SORCS1: variants seen among roughly 807,000 people sequenced by gnomAD.
SORCS1 encodes VPS10 domain-containing receptor SorCS1.
A neutral mutation model predicts 146.1 loss-of-function variants in SORCS1; 60 were observed. That is an observed-to-expected ratio of 0.41 (90% CI 0.33 to 0.51). The LOEUF is 0.51. Among genes scored for constraint, SORCS1 ranks in the 20% least tolerant of loss-of-function variants. The pLI is 0.21. For missense variants in SORCS1, 1,352 were observed against 1,487.6 expected, an observed-to-expected ratio of 0.91 and a Z score of 1.50; for synonymous variants, 637 against 584.0, an observed-to-expected ratio of 1.09 and a Z score of -1.31.
intron 6 of SORCS1, among the ~76,000 whole-genome samples, chr10:106,712,134 T>C (rs1855039490): frequency 6.6e-6 from 1 of 152,168 alleles, no homozygotes; most frequent in Non-Finnish European, 1.5e-5. Context: ...GAAGAAGACT[T>C]GAATCAGATG....
intron 1 of SORCS1, among the ~76,000 whole-genome samples, chr10:107,067,782 T>A (rs1962018844): frequency 6.6e-6 from 1 of 152,212 alleles, no homozygotes; most frequent in South Asian, 2.1e-4. Flanking sequence ...AGTTTCCTCA[T>A]CAGTGAAATG....
chr10:107,068,932 C>T (rs934516625), intron 1 of SORCS1, among the ~76,000 whole-genome samples: 6 of 150,978 alleles, frequency 4.0e-5, no homozygotes, highest in African/African-American at 1.2e-4. Context: ...AGGGAGGCAT[C>T]GCCCAAGTAC....
intron 4 of SORCS1, among the ~76,000 whole-genome samples, chr10:106,766,969 G>A (rs1684043159): frequency 6.6e-6 from 1 of 152,188 alleles, no homozygotes; most frequent in Non-Finnish European, 1.5e-5. Context: ...AACTCAGGGT[G>A]ATGTTCTCAC....
At chr10:106,615,228 C>G (rs967582849) in intron 21 of SORCS1, among the ~76,000 whole-genome samples, 4 of 152,178 alleles carry the variant, frequency 2.6e-5, no homozygotes, top group Non-Finnish European at 4.4e-5. Context: ...TCTCAAGGAC[C>G]TGGGAGCCAT....
intron 17 of SORCS1, 110 bp downstream of exon 17, chr10:106,667,579 T>A (rs1851258743): frequency 1.4e-6 from 1 of 709,140 alleles, no homozygotes; most frequent in East Asian, 2.7e-5. Context: ...AATTACATTG[T>A]GCTGTAAGGA....
chr10:106,811,311 C>G (rs1015556633), intron 3 of SORCS1, among the ~76,000 whole-genome samples: 27 of 152,166 alleles, frequency 1.8e-4, no homozygotes, highest in Non-Finnish European at 3.7e-4. Context: ...CCTTGCATCA[C>G]CAACACCAAG....
chr10:106,820,133 C>G (rs1947940137), intron 3 of SORCS1, among the ~76,000 whole-genome samples: 1 of 152,116 alleles, frequency 6.6e-6, no homozygotes, highest in Admixed American at 6.6e-5. Flanking sequence ...GTCATTTTCT[C>G]CACTATAAGC....
In SORCS1 at chr10:106,576,724, C is replaced by A. The variant is rs1465806348; in HGVS notation, c.*696G>T. 2 of 153,504 alleles carry A rather than the reference C, an allele frequency of 1.3e-5. No individual in the cohort carries two copies. The highest frequency in any genetic ancestry group is 2.9e-5 in the Non-Finnish European group (2 of 69,060). 9.5% of individuals were successfully genotyped at this position (153,504 alleles called of 1,614,324 possible). ...TGGCCACTGCTGACCAACAGAGCTA[C>A]CAAAGCTAACTTAGAAGGGAAATGA... is the stretch of plus-strand genomic sequence containing the variant. On this transcript the variant is annotated 3_prime_UTR_variant, in exon 26 of 26. Coordinates refer to ENST00000263054, the MANE Select transcript of SORCS1 (RefSeq NM_052918.5).
chr10:106,942,638 G>A (rs1023184103), intron 2 of SORCS1, among the ~76,000 whole-genome samples: 1 of 152,130 alleles, frequency 6.6e-6, no homozygotes, highest in Admixed American at 6.5e-5. Context: ...ACATGGCTCA[G>A]GAAAGCTGAT....
intron 2 of SORCS1, among the ~76,000 whole-genome samples, chr10:106,887,251 A>G (rs1196549231): frequency 4.6e-5 from 7 of 152,352 alleles, no homozygotes; most frequent in African/African-American, 1.4e-4. Flanking sequence ...TAAAATGAAA[A>G]TGACATTTAA....
chr10:106,976,163 ATG>A, intron 1 of SORCS1, among the ~76,000 whole-genome samples: 1 of 146,732 alleles, frequency 6.8e-6, no homozygotes. Flanking sequence ...CATCTCCTCC[ATG>A]AAGCCTTCCC....
chr10:107,134,711 G>A (rs1317555566), intron 1 of SORCS1, among the ~76,000 whole-genome samples: 1 of 152,174 alleles, frequency 6.6e-6, no homozygotes, highest in East Asian at 1.9e-4. Context: ...GGGTTGGGGT[G>A]GGATGAGAAA....
At chr10:106,670,962 G>A (rs528083588) in intron 16 of SORCS1, among the ~76,000 whole-genome samples, 1 of 152,114 alleles carries the variant, frequency 6.6e-6, no homozygotes, top group South Asian at 2.1e-4. Context: ...CCAAAGTGCT[G>A]GCATTACAGG....
the SORCS1 span, among the ~76,000 whole-genome samples, chr10:107,170,409 A>G: frequency 6.6e-6 from 1 of 152,226 alleles, no homozygotes; most frequent in Non-Finnish European, 1.5e-5. Context: ...ATGCTACCTC[A>G]AAAAACTCTT....
chr10:107,046,578 G>A (rs888980802), intron 1 of SORCS1, among the ~76,000 whole-genome samples: 2 of 152,136 alleles, frequency 1.3e-5, no homozygotes, highest in African/African-American at 4.8e-5. Flanking sequence ...AGAAAATGCA[G>A]AGGTTTAAAA....
intron 1 of SORCS1, among the ~76,000 whole-genome samples, chr10:107,112,388 A>G (rs1965757028): frequency 6.6e-6 from 1 of 152,082 alleles, no homozygotes; most frequent in African/African-American, 2.4e-5. Flanking sequence ...AATCTCTAGT[A>G]GATACACAAA....
In SORCS1 at chr10:107,097,405, G is replaced by T. The variant is rs1298763657; in HGVS notation, c.558+66564C>A. ...GCTGGATCATTTCCATTTCTTTCCA[G>T]GTTCTTTCCTACTTTCCATGTCCAC... On this transcript the variant is annotated intron_variant, in intron 1 of 25. Coordinates refer to ENST00000263054, the MANE Select transcript of SORCS1 (RefSeq NM_052918.5). Among the ~76,000 whole-genome samples, 6 of 152,246 alleles carry T rather than the reference G, an allele frequency of 3.9e-5. No homozygotes were observed. In the South Asian group the frequency reaches 1.2e-3, roughly 32 times the overall value.
chr10:107,131,970 T>C (rs1347677720), intron 1 of SORCS1, among the ~76,000 whole-genome samples: 5 of 152,170 alleles, frequency 3.3e-5, no homozygotes, highest in South Asian at 4.1e-4. Context: ...GGCTGAAAAA[T>C]AGAAAATTTG....
At chr10:106,985,860 A>G (rs1483122746) in intron 1 of SORCS1, among the ~76,000 whole-genome samples, 5 of 152,074 alleles carry the variant, frequency 3.3e-5, no homozygotes, top group Non-Finnish European at 7.4e-5. Flanking sequence ...CAACAGCCCT[A>G]TGGTTATTGG....
Sources: allele counts gnomAD v4.1 joint callset (sites outside exome capture counted in the v4.1 genomes callset), GRCh38; gene constraint gnomAD v4.1.1; transcripts MANE v1.5; gene names NCBI Gene and HGNC (gene_info 2026-07-23, HGNC 2026-07-21).